Variants in GRIK4 observed in about 807,000 individuals in gnomAD.
The protein encoded by GRIK4 is glutamate receptor ionotropic, kainate 4.
In GRIK4, 40 loss-of-function variants were observed where a neutral mutation model predicts 104.9. The observed-to-expected ratio is 0.38, with a 90% CI of 0.30 to 0.50. The LOEUF (loss-of-function observed/expected upper bound fraction) is 0.50. Ranked by LOEUF, GRIK4 falls within the 20% of genes least tolerant of loss-of-function variation. GRIK4 has a pLI of 0.93. For missense variants in GRIK4, 1,047 were observed against 1,308.1 expected (o/e 0.80, Z 3.08); for synonymous variants, 485 against 524.9 (o/e 0.92, Z 1.04).
intron 1 of GRIK4, among the ~76,000 whole-genome samples, chr11:120,595,390 T>C (rs1410989513): frequency 1.3e-5 from 2 of 152,244 alleles, no homozygotes; most frequent in African/African-American, 4.8e-5. Context: ...TTGAAATTAT[T>C]TTTTCGGTAT....
At chr11:120,512,348 C>T (rs1795570561) in intron 1 of GRIK4, among the ~76,000 whole-genome samples, 1 of 151,872 alleles carries the variant, frequency 6.6e-6, no homozygotes, top group South Asian at 2.1e-4. Flanking sequence ...TCTCCCAGCG[C>T]CTCTGTTCCC....
At position 120,962,579 on chromosome 11, in the gene GRIK4, C is replaced by G; in HGVS notation, c.2164C>G (p.Leu722Val). 6.2e-7 allele frequency: 1 copy of G among 1,614,004 alleles called. No homozygotes were observed. The highest frequency in any genetic ancestry group is 8.5e-7 in the Non-Finnish European group (1 of 1,179,896). Residue 722 changes from leucine (L) to valine (V), a missense_variant, in exon 18 of 21, where the codon CTG becomes GTG. Around this residue, in one of 3 missense-constraint regions of GRIK4, gnomAD observed 440 missense variants for 652.3 expected, o/e 0.67. Coordinates refer to ENST00000527524, the MANE Select transcript of GRIK4 (RefSeq NM_014619.5). ...GTTGAATTCCAACTACGCCTTCCTC[C>G]TGGAATCCACCATGAACGAGTACTA... is the stretch of plus-strand genomic sequence containing the variant. Reference protein sequence around the residue: ...RVLNSNYAFLLESTMNEYYRQ... With the variant: ...RVLNSNYAFLVESTMNEYYRQ...
chr11:120,525,667 T>G (rs1252385370), intron 1 of GRIK4, among the ~76,000 whole-genome samples: 1 of 151,958 alleles, frequency 6.6e-6, no homozygotes, highest in South Asian at 2.1e-4. Context: ...GGGGGCAGAG[T>G]GGGACAAGCT....
chr11:120,854,423 A>G (rs1472599146), intron 8 of GRIK4, among the ~76,000 whole-genome samples: 5 of 152,238 alleles, frequency 3.3e-5, no homozygotes, highest in African/African-American at 1.2e-4. Context: ...AAGCGTTAAC[A>G]CTTGGAGAGA....
intron 1 of GRIK4, among the ~76,000 whole-genome samples, chr11:120,618,690 T>C (rs1432750286): frequency 6.6e-6 from 1 of 152,186 alleles, no homozygotes; most frequent in Non-Finnish European, 1.5e-5. Flanking sequence ...CAGCCGAGGC[T>C]CAAAGGGGCC....
At chr11:120,752,531 G>A (rs1258596950) in intron 3 of GRIK4, among the ~76,000 whole-genome samples, 1 of 152,158 alleles carries the variant, frequency 6.6e-6, no homozygotes, top group Non-Finnish European at 1.5e-5. Context: ...GAGCCCAGAG[G>A]GTCTTCTCAC....
chr11:120,929,374 G>A (rs1249038311), intron 13 of GRIK4, among the ~76,000 whole-genome samples: 2 of 152,122 alleles, frequency 1.3e-5, no homozygotes, highest in African/African-American at 2.4e-5. Context: ...GAGCCTCCCT[G>A]GCTCCTTCTG....
rs1483438023 is a variant in GRIK4, at chr11:120,987,602, C to G, written c.*1342C>G. On this transcript the variant is annotated 3_prime_UTR_variant, in exon 21 of 21. Transcript: ENST00000527524. ...AGGAACTCTTGAGTCGTAACCTCAG[C>G]TTGAGCAGTAGCCCTCCCACCTTGT... The G allele has an allele frequency of 6.6e-6, 1 of 152,224 alleles. No homozygotes were observed. Among genetic ancestry groups the G allele is most frequent in the African/African-American group, 2.4e-5 (1 of 41,454 alleles). The allele number at this position is 152,224 out of a possible 1,614,324, so 9.4% of individuals were successfully genotyped here.
chr11:120,749,377 C>T (rs1464637375), intron 3 of GRIK4, among the ~76,000 whole-genome samples: 1 of 152,158 alleles, frequency 6.6e-6, no homozygotes, highest in Non-Finnish European at 1.5e-5. Context: ...GGAGAGGGGG[C>T]CAGCAACAGG....
chr11:120,580,195 G>A lies in GRIK4; in HGVS notation c.-159+68308G>A, dbSNP rs926766955. ...GCTGTTCTACACATTTGAGTACAAGGGTTCTTTCTTTCTTTCTTTCTTTCT... is the reference window on the plus strand; with the variant it reads ...GCTGTTCTACACATTTGAGTACAAGAGTTCTTTCTTTCTTTCTTTCTTTCT... On this transcript the variant is annotated intron_variant, in intron 1 of 20. Coordinates refer to ENST00000527524, the MANE Select transcript of GRIK4 (RefSeq NM_014619.5). Among the ~76,000 whole-genome samples, 475 of 134,748 alleles carry A rather than the reference G, an allele frequency of 3.5e-3. 2 individuals carry two copies. The highest frequency in any genetic ancestry group is 4.4e-3 in the Non-Finnish European group (273 of 61,924). The allele number at this position is 134,748 out of a possible 152,430, so 88.4% of individuals were successfully genotyped here. A position where few individuals can be genotyped will look rare whatever the true frequency, so the allele number is the denominator to read the frequency against.
intron 1 of GRIK4, among the ~76,000 whole-genome samples, chr11:120,574,993 T>G (rs1008313204): frequency 6.6e-6 from 1 of 152,196 alleles, no homozygotes; most frequent in Non-Finnish European, 1.5e-5. Flanking sequence ...AGAACTCCCT[T>G]CATTTGCATT....
chr11:120,663,870 T>A (rs1348138835), intron 3 of GRIK4, among the ~76,000 whole-genome samples: 1 of 152,226 alleles, frequency 6.6e-6, no homozygotes, highest in Non-Finnish European at 1.5e-5. Flanking sequence ...TGCAAAGTCC[T>A]TTCCCGTTAT....
intron 3 of GRIK4, among the ~76,000 whole-genome samples, chr11:120,717,071 G>A (rs566152552): frequency 4.2e-4 from 64 of 152,242 alleles, no homozygotes; most frequent in Non-Finnish European, 8.1e-4. Context: ...GCTCCTCGTC[G>A]CTCTGACAGG....
chr11:120,904,333 C>A (rs1168751030), intron 12 of GRIK4, among the ~76,000 whole-genome samples: 1 of 152,180 alleles, frequency 6.6e-6, no homozygotes, highest in Non-Finnish European at 1.5e-5. Context: ...TGTTAGTCAT[C>A]CACCGGGCTC....
At chr11:120,895,815 T>C (rs540351175) in intron 11 of GRIK4, among the ~76,000 whole-genome samples, 1 of 152,296 alleles carries the variant, frequency 6.6e-6, no homozygotes, top group East Asian at 1.9e-4. Context: ...GCTTGACACA[T>C]CTAACACATC....
chr11:120,743,474 C>T (rs2135412132), intron 3 of GRIK4, among the ~76,000 whole-genome samples: 1 of 152,194 alleles, frequency 6.6e-6, no homozygotes, highest in East Asian at 1.9e-4. Flanking sequence ...CTCTTGGGTA[C>T]TGGGCTTAAT....
rs1332078584 is a variant in GRIK4 at position 120,911,428 on chromosome 11, G to A, written c.1476+5935G>A. ...TAATTTTTGTATTTTTAGTAGAGAC[G>A]GGGTTTCACCGTGTTAGCCAGGATG... On this transcript the variant is annotated intron_variant, in intron 13 of 20. Coordinates refer to ENST00000527524, the MANE Select transcript of GRIK4 (RefSeq NM_014619.5). Among the ~76,000 whole-genome samples, 15 of 148,640 alleles carry A rather than the reference G, an allele frequency of 1.0e-4. No homozygotes were observed. In the South Asian group the frequency reaches 1.1e-3, roughly 11 times the overall value.
At chr11:120,512,132 A>C (rs941775814) in intron 1 of GRIK4, among the ~76,000 whole-genome samples, 1 of 147,492 alleles carries the variant, frequency 6.8e-6, no homozygotes, top group Admixed American at 6.7e-5. Context: ...TTCGCCGCCG[A>C]ACCCCCCACC....
chr11:120,943,045 T>C (rs1030050294), intron 14 of GRIK4, among the ~76,000 whole-genome samples: 9 of 151,770 alleles, frequency 5.9e-5, no homozygotes, highest in African/African-American at 1.7e-4. Flanking sequence ...CACAATCCTG[T>C]GAGCCAATTT....
Sources: allele counts gnomAD v4.1 joint callset (sites outside exome capture counted in the v4.1 genomes callset), GRCh38; gene constraint gnomAD v4.1.1; regional missense constraint gnomAD v4.1.1; transcripts MANE v1.5; gene names NCBI Gene and HGNC (gene_info 2026-07-23, HGNC 2026-07-21).